Variants in CORO1C observed in about 807,000 individuals in gnomAD.
The protein encoded by CORO1C is coronin 1C.
A neutral mutation model predicts 51.2 loss-of-function variants in CORO1C; 14 were observed. That is an observed-to-expected ratio of 0.27 (90% CI 0.18 to 0.43). The LOEUF (loss-of-function observed/expected upper bound fraction) is 0.43. CORO1C is among the 20% of genes least tolerant of loss of function. CORO1C has a pLI of 1.00. For missense variants in CORO1C, 417 were observed against 607.8 expected (o/e 0.69, Z 3.30); for synonymous variants, 181 against 210.5 (o/e 0.86, Z 1.21).
chr12:108,659,534 A>G (rs1449378315), intron 4 of CORO1C, among the ~76,000 whole-genome samples: 2 of 152,246 alleles, frequency 1.3e-5, no homozygotes, highest in Admixed American at 6.5e-5. Flanking sequence ...TTCTGTGCAC[A>G]TACATAAATT....
chr12:108,661,112 A>T (rs1444481915), intron 4 of CORO1C, among the ~76,000 whole-genome samples: 1 of 152,228 alleles, frequency 6.6e-6, no homozygotes, highest in Non-Finnish European at 1.5e-5. Context: ...CTAAGTTTCA[A>T]CAAATGTATA....
intron 1 of CORO1C, among the ~76,000 whole-genome samples, chr12:108,704,880 A>G (rs940958618): frequency 6.6e-6 from 1 of 152,272 alleles, no homozygotes; most frequent in African/African-American, 2.4e-5. Context: ...ACAGCAAGTC[A>G]CTAAGTCTCC....
At chr12:108,695,799 C>T (rs1266995533) in intron 2 of CORO1C, among the ~76,000 whole-genome samples, 1 of 144,684 alleles carries the variant, frequency 6.9e-6, no homozygotes, top group Admixed American at 7.1e-5. Flanking sequence ...AGGCAATGAG[C>T]TCTTAATCCT....
At chr12:108,667,507 T>C (rs1294684571) in intron 3 of CORO1C, among the ~76,000 whole-genome samples, 2 of 152,178 alleles carry the variant, frequency 1.3e-5, no homozygotes, top group Non-Finnish European at 2.9e-5. Flanking sequence ...TTTATTTTCT[T>C]AATTTAAATA....
intron 10 of CORO1C, among the ~76,000 whole-genome samples, chr12:108,647,723 G>A (rs775279256): frequency 2.0e-5 from 3 of 152,188 alleles, no homozygotes; most frequent in South Asian, 2.1e-4. Context: ...CTGAGATCCC[G>A]TGGCAAAACA....
rs2032405566 is a variant in CORO1C, at chr12:108,647,362, T to C, written c.*41A>G. 1.2e-6 allele frequency: 2 copies of C among 1,604,584 alleles called. No homozygotes were observed. Among genetic ancestry groups the C allele is most frequent in the Non-Finnish European group, 1.7e-6 (2 of 1,175,916 alleles). On this transcript the variant is annotated 3_prime_UTR_variant, in exon 11 of 11. Coordinates refer to ENST00000261401, the MANE Select transcript of CORO1C (RefSeq NM_014325.4). ...CCAATAACCAGCTCCCAAGCACAAG[T>C]TCTTGCTCCCATTTTTTCTGTAGGG...
intron 1 of CORO1C, among the ~76,000 whole-genome samples, chr12:108,723,755 T>G (rs1373318135): frequency 6.6e-6 from 1 of 152,260 alleles, no homozygotes; most frequent in Admixed American, 6.5e-5. Flanking sequence ...TCATTATGTC[T>G]GTTACAATCT....
At chr12:108,680,917 C>T (rs1192985652) in intron 2 of CORO1C, among the ~76,000 whole-genome samples, 1 of 152,232 alleles carries the variant, frequency 6.6e-6, no homozygotes, top group African/African-American at 2.4e-5. Context: ...GCTGATGGTA[C>T]TGGGATCACA....
intron 2 of CORO1C, among the ~76,000 whole-genome samples, chr12:108,697,362 T>C (rs1360592927): frequency 2.0e-5 from 3 of 152,200 alleles, no homozygotes; most frequent in South Asian, 2.1e-4. Flanking sequence ...ATGAGATAAT[T>C]ATTAAAAGCC....
chr12:108,659,979 C>T (rs771540054), intron 4 of CORO1C, among the ~76,000 whole-genome samples: 2 of 152,212 alleles, frequency 1.3e-5, no homozygotes, highest in Non-Finnish European at 2.9e-5. Flanking sequence ...GTCTGCCCCA[C>T]GCCTCCAGGC....
intron 1 of CORO1C, among the ~76,000 whole-genome samples, chr12:108,702,555 G>A (rs1177433380): frequency 2.0e-5 from 3 of 152,320 alleles, no homozygotes; most frequent in African/African-American, 7.2e-5. Context: ...TTCTGTTCAT[G>A]TTGGTTAGAT....
chr12:108,697,992 A>ATCAT lies in CORO1C; in HGVS notation c.195+3128_195+3131dup, dbSNP rs570108194. Among the ~76,000 whole-genome samples, 17 of 152,346 alleles carry ATCAT rather than the reference A, an allele frequency of 1.1e-4. No homozygotes were observed. In the South Asian group the frequency reaches 3.5e-3, roughly 32 times the overall value. ...TGTAGGTTTTCTGATAACATGGAAG[A>ATCAT]TCATTCTATTTTCTACCAGCTACTG... On this transcript the variant is annotated intron_variant, in intron 2 of 10. Transcript: ENST00000261401.
chr12:108,709,883 C>T (rs559655409), intron 1 of CORO1C, among the ~76,000 whole-genome samples: 1 of 152,330 alleles, frequency 6.6e-6, no homozygotes, highest in East Asian at 1.9e-4. Context: ...CTTAAAACTG[C>T]ATAGGCTTTC....
chr12:108,648,369 T>C (rs2032473131), intron 10 of CORO1C, among the ~76,000 whole-genome samples: 2 of 152,166 alleles, frequency 1.3e-5, no homozygotes, highest in Non-Finnish European at 2.9e-5. Context: ...TGGTGGTCTG[T>C]GGCCACACTT....
intron 1 of CORO1C, among the ~76,000 whole-genome samples, chr12:108,727,633 C>A (rs1427014213): frequency 6.6e-6 from 1 of 152,152 alleles, no homozygotes; most frequent in African/African-American, 2.4e-5. Context: ...TTAATTCAAA[C>A]CTTTCCCCAG....
chr12:108,728,013 G>A (rs1236927926), intron 1 of CORO1C, among the ~76,000 whole-genome samples: 1 of 152,178 alleles, frequency 6.6e-6, no homozygotes, highest in Non-Finnish European at 1.5e-5. Flanking sequence ...AGCCATTAGG[G>A]AAACACAGAT....
At chr12:108,651,607 C>A (rs1477075154) in intron 8 of CORO1C, among the ~76,000 whole-genome samples, 1 of 152,184 alleles carries the variant, frequency 6.6e-6, no homozygotes, top group Non-Finnish European at 1.5e-5. Context: ...ACTTTTCCAT[C>A]CCCGAGCCAG....
chr12:108,687,441 C>T (rs757163279), intron 2 of CORO1C, among the ~76,000 whole-genome samples: 14 of 151,954 alleles, frequency 9.2e-5, no homozygotes, highest in Non-Finnish European at 2.1e-4. Context: ...GAACTATGAT[C>T]GCGCCACTGC....
chr12:108,707,775 A>C (rs2035067908), intron 1 of CORO1C, among the ~76,000 whole-genome samples: 1 of 152,234 alleles, frequency 6.6e-6, no homozygotes, highest in Non-Finnish European at 1.5e-5. Context: ...AAGAACTCCT[A>C]CAATTCAATA....
Sources: allele counts gnomAD v4.1 joint callset (sites outside exome capture counted in the v4.1 genomes callset), GRCh38; gene constraint gnomAD v4.1.1; transcripts MANE v1.5; gene names NCBI Gene and HGNC (gene_info 2026-07-23, HGNC 2026-07-21).